SLC25A23: variants seen among roughly 807,000 people sequenced by gnomAD.
SLC25A23 encodes the protein mitochondrial adenyl nucleotide antiporter SLC25A23.
In SLC25A23, 32 loss-of-function variants were observed where a neutral mutation model predicts 53.9. The ratio of observed to expected loss-of-function variants is 0.59; its 90% CI spans 0.45 to 0.80. The LOEUF (loss-of-function observed/expected upper bound fraction) is 0.80, where lower values mean the gene tolerates loss of function less well. SLC25A23 is among the 30% of genes least tolerant of loss of function. The pLI is 0.00. For synonymous variants in SLC25A23, 275 were observed against 264.5 expected (o/e 1.04, Z -0.38); for missense variants, 575 against 651.4 (o/e 0.88, Z 1.28).
chr19:6,449,857 CTTTTTTTTTT>C (rs142681286), intron 8 of SLC25A23, among the ~76,000 whole-genome samples: 1 of 127,164 alleles, frequency 7.9e-6, no homozygotes, highest in Non-Finnish European at 1.5e-5. Context: ...ACTCACAACT[CTTTTTTTTTT>C]TTTTTTTTTT....
In SLC25A23 at chr19:6,440,279, C is replaced by G. The variant is rs913610361; in HGVS notation, c.*1696G>C. On this transcript the variant is annotated 3_prime_UTR_variant, in exon 10 of 10. Coordinates refer to ENST00000301454, the MANE Select transcript of SLC25A23 (RefSeq NM_024103.3). ...CTATGAAGTGCAGAATGTAAGGGCG[C>G]AGGGGAGGAGGACTTTGCTCCTCTC... The G allele has an allele frequency of 6.6e-6, 1 of 152,428 alleles. No individual in the cohort carries two copies. Among genetic ancestry groups the G allele is most frequent in the African/African-American group, 2.4e-5 (1 of 41,428 alleles). The allele number at this position is 152,428 out of a possible 1,614,324, so 9.4% of individuals were successfully genotyped here. A position where few individuals can be genotyped will look rare whatever the true frequency, so the allele number is the denominator to read the frequency against.
intron 8 of SLC25A23, 42 bp from the exon 9 acceptor site, chr19:6,444,343 C>T: frequency 6.4e-7 from 1 of 1,550,742 alleles, no homozygotes; most frequent in South Asian, 1.2e-5. Flanking sequence ...GGTGGGTGAC[C>T]CTAGGACCCT....
intron 9 of SLC25A23, among the ~76,000 whole-genome samples, chr19:6,442,797 C>T (rs920860768): frequency 1.2e-4 from 19 of 152,188 alleles, no homozygotes; most frequent in Admixed American, 3.3e-4. Context: ...GTGATCCATC[C>T]GCCTCGGCCT....
rs575002261 is a variant in SLC25A23, at chr19:6,455,888, T to C, written c.483+532A>G. On this transcript the variant is annotated intron_variant, in intron 4 of 9. Transcript: ENST00000301454. ...TGCCTGCCACTACACCTGGCTCATT[T>C]TTTTAATATTTTTGTAGAGACGGGG... The C allele has an allele frequency of 6.8e-6, 4 of 584,072 alleles. 1 individual carries two copies. The highest frequency in any genetic ancestry group is 3.1e-5 in the Admixed American group (1 of 32,718). The allele number at this position is 584,072 out of a possible 1,614,324, so 36.2% of individuals were successfully genotyped here. A position where few individuals can be genotyped will look rare whatever the true frequency, so the allele number is the denominator to read the frequency against.
intron 8 of SLC25A23, among the ~76,000 whole-genome samples, chr19:6,451,741 C>T (rs951051521): frequency 3.9e-5 from 6 of 151,910 alleles, no homozygotes; most frequent in African/African-American, 1.5e-4. Flanking sequence ...ATGGGCAGGC[C>T]CTGAAGATGA....
At chr19:6,437,472 G>A (rs1266699836), downstream of SLC25A23, among the ~76,000 whole-genome samples, 2 of 152,112 alleles carry the variant, frequency 1.3e-5, no homozygotes, top group African/African-American at 4.8e-5. Context: ...AGGTTACACT[G>A]GATTGGGGGG....
Position 6,442,119 on chromosome 19 carries a change from C to G in SLC25A23, c.1263G>C (p.Leu421=), listed in dbSNP as rs2144775074. The G allele has an allele frequency of 2.5e-6, 4 of 1,603,064 alleles. No individual in the cohort carries two copies. In the South Asian group the frequency reaches 3.3e-5, roughly 13 times the overall value. ...CCTCCTGGGACAGGATGTGACGTAG[C>G]AGACCCAGCATGGACAGCTGGGGGC... ...EGGPQLSMLG[L]LRHILSQEGM... Residue 421 remains leucine (L), a synonymous_variant, in exon 10 of 10, where the codon CTG becomes CTC. Transcript: ENST00000301454.
At chr19:6,443,549 C>T (rs1008142516) in intron 9 of SLC25A23, 17 of 701,826 alleles carry the variant, frequency 2.4e-5, no homozygotes, top group Non-Finnish European at 3.9e-5. Flanking sequence ...TTTATACAAC[C>T]CTAAATCAAT....
Position 6,452,311 on chromosome 19 carries a change from C to T in SLC25A23, c.1071+1G>A. 6.2e-7 allele frequency: 1 copy of T among 1,609,816 alleles called. No individual in the cohort carries two copies. Among genetic ancestry groups the T allele is most frequent in the Non-Finnish European group, 8.5e-7 (1 of 1,178,128 alleles). On this transcript the variant is annotated splice_donor_variant, in intron 8 of 9. Coordinates refer to ENST00000301454, the MANE Select transcript of SLC25A23 (RefSeq NM_024103.3). LOFTEE classifies it high-confidence loss of function. ...GAAAGAGGAACGCGCTGCCCACAGACCTCGTAGACGGCCAGGTCGATGCCC... is the reference window on the plus strand; with the variant it reads ...GAAAGAGGAACGCGCTGCCCACAGATCTCGTAGACGGCCAGGTCGATGCCC...
In SLC25A23 at chr19:6,444,187, G is replaced by T. The variant is rs2092469346; in HGVS notation, c.1186C>A (p.Pro396Thr). The change falls in exon 9 of 10, where the codon CCG becomes ACG. Residue 396 changes from proline to threonine, a missense_variant. Pro to Thr is a conservative substitution (Grantham distance 38). Transcript: ENST00000301454. The part of the protein sequence containing the change: ...SSTCGQIASY[P>T]LALVRTRMQA... ...ATGCGGGTCCGGACCAGGGCCAGCG[G>T]GTAACTGGCTATCTGGCCGCAGGTG... The T allele has an allele frequency of 6.3e-7, 1 of 1,598,802 alleles. No individual in the cohort carries two copies. The highest frequency in any genetic ancestry group is 8.5e-7 in the Non-Finnish European group (1 of 1,172,984).
rs369720632 is a variant in SLC25A23, at chr19:6,452,374, C to T, written c.1009G>A (p.Gly337Ser). ...EREGPRAFYR[G>S]YLPNVLGIIP... The stretch of plus-strand genomic sequence containing the variant: ...ATGCCCAGCACGTTGGGGAGGTAGC[C>T]GCGGTAGAAGGCACGGGGCCCCTCC... The change falls in exon 8 of 10, where the codon GGC (glycine) becomes AGC (serine). Residue 337 changes from glycine (G) to serine (S), a missense_variant. Physicochemically the swap from Gly to Ser is moderately conservative, Grantham distance 56 (BLOSUM62 0). Coordinates refer to ENST00000301454, the MANE Select transcript of SLC25A23 (RefSeq NM_024103.3). 23 of 1,613,672 alleles carry T rather than the reference C, an allele frequency of 1.4e-5. No individual in the cohort carries two copies. Among genetic ancestry groups the T allele is most frequent in the East Asian group, 2.2e-5 (1 of 44,860 alleles).
Position 6,454,431 on chromosome 19 carries a change from A to G in SLC25A23, c.687T>C (p.Leu229=). The part of the protein sequence containing the change: ...KTNRLNILGG[L]RSMVLEGGIR... ...TGCCTCCCTCAAGGACCATGCTTCG[A>G]AGCCCCCCAAGGATGTTCAGCCGGT... Residue 229 remains leucine, a synonymous_variant, in exon 6 of 10, where the codon CTT becomes CTC. Coordinates refer to ENST00000301454, the MANE Select transcript of SLC25A23 (RefSeq NM_024103.3). This position sits in a 1 kb window ranked among gnomAD's most constrained non-coding sequence, Gnocchi z 4.3. 1 of 1,614,144 alleles carries G rather than the reference A, an allele frequency of 6.2e-7. No homozygotes were observed. Among genetic ancestry groups the G allele is most frequent in the South Asian group, 1.1e-5 (1 of 91,086 alleles).
rs1019410885 is a variant in SLC25A23 at position 6,457,788 on chromosome 19, TG to T, written c.284-199del. Among the ~76,000 whole-genome samples the T allele has an allele frequency of 2.7e-5, 4 of 150,776 alleles. No homozygotes were observed. The South Asian group carries it at 6.3e-4, about 24-fold the overall frequency. Reference sequence around the variant, plus strand: ...TCAGAGAGGTGGAACTGGGAAATACTGGGGGGGCTTCTCTGTTCTGTAAATG... The same window carrying T: ...TCAGAGAGGTGGAACTGGGAAATACTGGGGGGCTTCTCTGTTCTGTAAATG... On this transcript the variant is annotated intron_variant, in intron 2 of 9. Transcript: ENST00000301454.
chr19:6,453,432 A>G (rs571025002), intron 7 of SLC25A23, among the ~76,000 whole-genome samples: 6 of 151,686 alleles, frequency 4.0e-5, no homozygotes, highest in African/African-American at 1.5e-4. Flanking sequence ...TAGAGACGGT[A>G]TTTCACCATG....
chr19:6,446,084 C>T (rs534604611), intron 8 of SLC25A23, among the ~76,000 whole-genome samples: 4 of 140,492 alleles, frequency 2.8e-5, no homozygotes, highest in South Asian at 2.1e-4. Flanking sequence ...GAAAAAAGGT[C>T]GGGCCTGGCG....
Position 6,459,762 on chromosome 19 carries a change from C to T in SLC25A23, c.-134G>A. ...GGCTCCGCAGCCTCCGCGCAGTCCG[C>T]TCGGCTCTGGCACTTGCGGGAGGTG... On this transcript the variant is annotated 5_prime_UTR_variant, in exon 1 of 10. Transcript: ENST00000301454. The surrounding 1 kb of genome is among the most constrained non-coding windows in gnomAD (Gnocchi z 4.6). The T allele has an allele frequency of 1.4e-6, 1 of 731,088 alleles. No homozygotes were observed. The allele number at this position is 731,088 out of a possible 1,614,324, so 45.3% of individuals were successfully genotyped here.
Position 6,459,301 on chromosome 19 carries a change from G to A in SLC25A23, c.156+172C>T, listed in dbSNP as rs2092726671. Among the ~76,000 whole-genome samples, 1 of 152,188 alleles carries A rather than the reference G, an allele frequency of 6.6e-6. No homozygotes were observed. ...CTTGGGGCCTCGGCGTCCCTGTCTT[G>A]AGCGATCCCGTTAGGCCAAACACGA... On this transcript the variant is annotated intron_variant, in intron 1 of 9. Transcript: ENST00000301454. This position sits in a 1 kb window ranked among gnomAD's most constrained non-coding sequence, Gnocchi z 4.6.
intron 7 of SLC25A23, 95 bp downstream of exon 7, chr19:6,453,885 TA>T: frequency 2.0e-6 from 2 of 1,017,056 alleles, no homozygotes; most frequent in African/African-American, 1.6e-5. Flanking sequence ...GGGACAAAGG[TA>T]AAATCCCAAT....
downstream of SLC25A23, chr19:6,436,477 C>A: frequency 2.2e-6 from 1 of 455,326 alleles, no homozygotes; most frequent in South Asian, 1.6e-5. Context: ...TCCTCCAGAG[C>A]AAATGTTATG....
Sources: allele counts gnomAD v4.1 joint callset (sites outside exome capture counted in the v4.1 genomes callset), GRCh38; gene constraint gnomAD v4.1.1; non-coding constraint Gnocchi (gnomAD v3.1); transcripts MANE v1.5; gene names NCBI Gene and HGNC (gene_info 2026-07-23, HGNC 2026-07-21).